MACROD1: variants seen among roughly 807,000 people sequenced by gnomAD.
The protein encoded by MACROD1 is ADP-ribose glycohydrolase MACROD1.
In MACROD1, 31 loss-of-function variants were observed where a neutral mutation model predicts 41.4. The ratio of observed to expected loss-of-function variants is 0.75; its 90% CI spans 0.56 to 1.01. The LOEUF (loss-of-function observed/expected upper bound fraction) is 1.01, where lower values mean the gene tolerates loss of function less well. Ranked by LOEUF, MACROD1 falls within the 50% of genes least tolerant of loss-of-function variation. MACROD1 has a pLI of 0.00. For missense variants in MACROD1, 473 were observed against 460.0 expected, an observed-to-expected ratio of 1.03 and a Z score of -0.26; for synonymous variants, 252 against 203.4, an observed-to-expected ratio of 1.24 and a Z score of -2.03.
intron 3 of MACROD1, among the ~76,000 whole-genome samples, chr11:64,097,868 C>T (rs1030416681): frequency 2.6e-5 from 4 of 152,164 alleles, no homozygotes; most frequent in African/African-American, 9.6e-5. Context: ...GAGCCCATAG[C>T]AAGCCGGCTG....
intron 3 of MACROD1, among the ~76,000 whole-genome samples, chr11:64,072,808 C>G (rs1944133592): frequency 1.3e-5 from 2 of 152,210 alleles, no homozygotes; most frequent in South Asian, 4.1e-4. Flanking sequence ...CTCCACCCTG[C>G]ATGTGGCTCA....
intron 3 of MACROD1, among the ~76,000 whole-genome samples, chr11:64,150,749 C>T (rs995311683): frequency 1.2e-4 from 18 of 152,202 alleles, no homozygotes; most frequent in Admixed American, 4.6e-4. Flanking sequence ...AAGAGGCGAG[C>T]GCAGGAAGCT....
At position 64,117,876 on chromosome 11, in the gene MACROD1, A is replaced by G. The variant is rs911603132; in HGVS notation, c.517+33363T>C. ...GACAGCCGACAGCTATGGCCCTACC[A>G]CCACACTCAACCAGGAGCAGAACGC... On this transcript the variant is annotated intron_variant, in intron 3 of 10. Coordinates refer to ENST00000255681, the MANE Select transcript of MACROD1 (RefSeq NM_014067.4). 4 of 1,613,984 alleles carry G rather than the reference A, an allele frequency of 2.5e-6. No homozygotes were observed. In the Admixed American group the frequency reaches 6.7e-5, roughly 27 times the overall value.
chr11:63,999,242 G>C (rs1041045314), intron 8 of MACROD1, 89 bp downstream of exon 8: 1 of 1,485,096 alleles, frequency 6.7e-7, no homozygotes, highest in Non-Finnish European at 9.1e-7. Flanking sequence ...CTGGCCCTGC[G>C]CTCTGCACCC....
At chr11:64,099,823 G>GGATA (rs772698385) in intron 3 of MACROD1, among the ~76,000 whole-genome samples, 2 of 151,244 alleles carry the variant, frequency 1.3e-5, no homozygotes, top group African/African-American at 4.9e-5. Context: ...AGAGGTGAAT[G>GGATA]GATAGATGGA....
chr11:64,001,825 T>C (rs1942830929), intron 4 of MACROD1: 2 of 690,610 alleles, frequency 2.9e-6, no homozygotes, highest in South Asian at 1.5e-5. Context: ...GTGTTCCGAA[T>C]GGGGTGCCGT....
chr11:64,130,158 C>T (rs559731105), intron 3 of MACROD1, among the ~76,000 whole-genome samples: 32 of 152,258 alleles, frequency 2.1e-4, no homozygotes, highest in Non-Finnish European at 3.8e-4. Flanking sequence ...CCTTTCCTTC[C>T]CCACAAATCT....
chr11:64,147,029 G>T (rs1471796532), intron 3 of MACROD1, among the ~76,000 whole-genome samples: 2 of 152,122 alleles, frequency 1.3e-5, no homozygotes, highest in East Asian at 3.8e-4. Context: ...AATTTCAAAT[G>T]CCAGGAGATC....
chr11:64,055,463 C>A (rs980700896), intron 3 of MACROD1, among the ~76,000 whole-genome samples: 4 of 152,012 alleles, frequency 2.6e-5, no homozygotes, highest in African/African-American at 9.7e-5. Flanking sequence ...CTCCTGGGGC[C>A]CAGGGTCTGC....
intron 3 of MACROD1, among the ~76,000 whole-genome samples, chr11:64,106,080 G>A (rs1023700666): frequency 5.9e-5 from 9 of 152,168 alleles, no homozygotes; most frequent in African/African-American, 2.2e-4. Flanking sequence ...CATATCAGTG[G>A]GGGTGAGGAG....
At chr11:64,152,106 G>A (rs1049316025) in intron 2 of MACROD1, among the ~76,000 whole-genome samples, 186 bp downstream of exon 2, 2 of 152,282 alleles carry the variant, frequency 1.3e-5, no homozygotes, top group Middle Eastern at 3.4e-3. Context: ...TCCAGCCTGC[G>A]CAAAAAGAGT....
chr11:64,115,340 TTTTA>T (rs1172298180), intron 3 of MACROD1, among the ~76,000 whole-genome samples: 2 of 152,176 alleles, frequency 1.3e-5, no homozygotes, highest in Non-Finnish European at 2.9e-5. Flanking sequence ...TCCTCCCTCC[TTTTA>T]TTTGTCTCAT....
At chr11:64,009,240 TA>T (rs2134330771) in intron 4 of MACROD1, 2 of 152,284 alleles carry the variant, frequency 1.3e-5, no homozygotes, top group South Asian at 4.2e-4. Flanking sequence ...GAGAGTGTTT[TA>T]AAAAATGTTT....
At chr11:64,139,442 C>T (rs1400748173) in intron 3 of MACROD1, among the ~76,000 whole-genome samples, 6 of 152,160 alleles carry the variant, frequency 3.9e-5, no homozygotes, top group East Asian at 1.9e-4. Flanking sequence ...CAGGCATGCT[C>T]GGGCTGCCCC....
At chr11:64,151,388 G>A (rs377237902) in intron 2 of MACROD1, 33 bp from the exon 3 acceptor site, 28 of 1,550,198 alleles carry the variant, frequency 1.8e-5, no homozygotes, top group African/African-American at 1.1e-4. Context: ...AGGTCACAGC[G>A]AGGCTGCCCA....
At chr11:64,046,182 A>T (rs975113247) in intron 3 of MACROD1, among the ~76,000 whole-genome samples, 8 of 152,102 alleles carry the variant, frequency 5.3e-5, no homozygotes, top group African/African-American at 1.9e-4. Flanking sequence ...TGGCCTCCTG[A>T]GCCTCTGTTC....
chr11:64,056,078 CAGG>C (rs756811156), intron 3 of MACROD1, among the ~76,000 whole-genome samples: 1 of 152,182 alleles, frequency 6.6e-6, no homozygotes, highest in Non-Finnish European at 1.5e-5. Flanking sequence ...TGTATTCAGA[CAGG>C]AGGAGGAAGG....
rs1944017513 is a variant in MACROD1, at chr11:64,067,010, C to T, written c.518-51729G>A. Among the ~76,000 whole-genome samples, 6 of 152,236 alleles carry T rather than the reference C, an allele frequency of 3.9e-5. No individual in the cohort carries two copies. The highest frequency in any genetic ancestry group is 3.3e-4 in the Admixed American group (5 of 15,290). On this transcript the variant is annotated intron_variant, in intron 3 of 10. Transcript: ENST00000255681. The surrounding 1 kb of genome is among the most constrained non-coding windows in gnomAD (Gnocchi z 4.6). ...CCCAAGCCTCTGCCCTCACGCTAGG[C>T]AGTCCCTGGGGAGATTGGATGAGGG...
intron 3 of MACROD1, among the ~76,000 whole-genome samples, chr11:64,127,408 GC>G (rs1945201418): frequency 6.7e-6 from 1 of 150,342 alleles, no homozygotes; most frequent in Admixed American, 6.6e-5. Flanking sequence ...CCGAGGCTCA[GC>G]CCACCCCCTC....
Sources: gnomAD v4.1 joint callset for allele counts (sites outside exome capture counted in the v4.1 genomes callset) on GRCh38, gnomAD v4.1.1 for gene constraint, Gnocchi (gnomAD v3.1) non-coding constraint, MANE v1.5 for transcripts, NCBI Gene and HGNC (gene_info 2026-07-23, HGNC 2026-07-21) for gene names.